EYS: variants seen among roughly 807,000 people sequenced by gnomAD.
The protein encoded by EYS is protein eyes shut homolog.
EYS carries 250 observed loss-of-function variants against 282.1 expected under a neutral mutation model. That is an observed-to-expected ratio of 0.89 (90% CI 0.80 to 0.98). EYS has a LOEUF of 0.98. EYS is among the 50% of genes least tolerant of loss of function. The pLI is 0.00. For synonymous variants in EYS, 1,355 were observed against 1,282.9 expected (o/e 1.06, Z -1.20); for missense variants, 4,016 against 3,709.0 (o/e 1.08, Z -2.15).
intron 26 of EYS, among the ~76,000 whole-genome samples, chr6:64,581,182 G>A (rs912328262): frequency 6.6e-6 from 1 of 152,084 alleles, no homozygotes; most frequent in Non-Finnish European, 1.5e-5. Flanking sequence ...GGAAAGAGAG[G>A]AGGAAGAGAG....
intron 12 of EYS, among the ~76,000 whole-genome samples, chr6:65,254,706 G>A (rs1347581641): frequency 6.6e-6 from 1 of 151,726 alleles, no homozygotes. Flanking sequence ...GTTATGTAGG[G>A]CTGTTAATAA....
intron 26 of EYS, among the ~76,000 whole-genome samples, chr6:64,557,399 A>T (rs965318407): frequency 6.6e-6 from 1 of 152,036 alleles, no homozygotes; most frequent in Non-Finnish European, 1.5e-5. Context: ...GTTAAAATAT[A>T]TGAAAACTAC....
chr6:65,207,968 G>T (rs571880486), intron 12 of EYS, among the ~76,000 whole-genome samples: 2 of 151,738 alleles, frequency 1.3e-5, no homozygotes, highest in Non-Finnish European at 3.0e-5. Flanking sequence ...AAGACTTTAT[G>T]ACTACTACCC....
At chr6:65,199,524 C>A (rs1322454571) in intron 12 of EYS, among the ~76,000 whole-genome samples, 2 of 151,874 alleles carry the variant, frequency 1.3e-5, no homozygotes, top group East Asian at 1.9e-4. Flanking sequence ...TTTAAAGCAG[C>A]GTATAATTTA....
At chr6:65,441,076 T>C (rs1191810388) in intron 5 of EYS, among the ~76,000 whole-genome samples, 1 of 150,662 alleles carries the variant, frequency 6.6e-6, no homozygotes, top group African/African-American at 2.4e-5. Context: ...ATTAAACTCA[T>C]TAATGACTTG....
intron 22 of EYS, among the ~76,000 whole-genome samples, chr6:64,683,276 A>C (rs1450268145): frequency 6.6e-6 from 1 of 152,220 alleles, no homozygotes; most frequent in Non-Finnish European, 1.5e-5. Context: ...TGAGCTCATA[A>C]ATGTTTTAGC....
At chr6:64,856,616 C>CT (rs149450189) in intron 19 of EYS, among the ~76,000 whole-genome samples, 3,452 of 152,078 alleles carry the variant, frequency 0.023, 137 homozygotes, top group African/African-American at 0.08. Flanking sequence ...TTTTAAAGGA[C>CT]TTTTTTTCTT....
In EYS at chr6:64,676,077, G is replaced by T. The variant is rs1431435765; in HGVS notation, c.3444-49832C>A. Among the ~76,000 whole-genome samples, 6 of 147,694 alleles carry T rather than the reference G, an allele frequency of 4.1e-5. No individual in the cohort carries two copies. In the Admixed American group the frequency reaches 4.1e-4, roughly 10 times the overall value. On this transcript the variant is annotated intron_variant, in intron 22 of 42. Transcript: ENST00000503581. Reference sequence around the variant, plus strand: ...ATATGGATAGATCTATATATAGATAGATAGAGAGAGAGAGGGAGAGAGAGA... The same window carrying T: ...ATATGGATAGATCTATATATAGATATATAGAGAGAGAGAGGGAGAGAGAGA...
intron 9 of EYS, among the ~76,000 whole-genome samples, chr6:65,344,528 G>A (rs979907853): frequency 1.3e-5 from 2 of 151,516 alleles, no homozygotes; most frequent in South Asian, 2.1e-4. Context: ...TAAAAGCAGA[G>A]ATTGCAAAAG....
intron 22 of EYS, among the ~76,000 whole-genome samples, chr6:64,699,002 C>G (rs904903827): frequency 3.3e-5 from 5 of 152,118 alleles, no homozygotes; most frequent in Non-Finnish European, 7.4e-5. Flanking sequence ...ATAAATCATT[C>G]TACCATAAAG....
At position 65,018,447 on chromosome 6, in the gene EYS, C is replaced by A. The variant is rs369456179; in HGVS notation, c.2138-20744G>T. On this transcript the variant is annotated intron_variant, in intron 13 of 42. Transcript: ENST00000503581. ...ATATTTGTCTGTGTCTAAGTTTTCC[C>A]TTTTGTTAAGGACACCAGTTATATT... Among the ~76,000 whole-genome samples, 7 of 152,250 alleles carry A rather than the reference C, an allele frequency of 4.6e-5. No homozygotes were observed. In the South Asian group the frequency reaches 1.0e-3, roughly 23 times the overall value.
chr6:63,907,948 ATTCT>A (rs1773815835), intron 35 of EYS, among the ~76,000 whole-genome samples: 1 of 149,604 alleles, frequency 6.7e-6, no homozygotes, highest in Non-Finnish European at 1.5e-5. Flanking sequence ...ACATGATTTC[ATTCT>A]TTTTTATGCC....
intron 19 of EYS, among the ~76,000 whole-genome samples, chr6:64,845,302 A>T (rs896110248): frequency 9.2e-5 from 14 of 152,030 alleles, no homozygotes; most frequent in Admixed American, 7.2e-4. Context: ...AAAAAAAATT[A>T]AAAATAAAAT....
At chr6:65,129,533 A>C (rs940705610) in intron 12 of EYS, among the ~76,000 whole-genome samples, 5 of 152,108 alleles carry the variant, frequency 3.3e-5, no homozygotes, top group Non-Finnish European at 5.9e-5. Flanking sequence ...AAAACAAGAC[A>C]GACTAGTAGC....
chr6:64,561,143 T>G lies in EYS; in HGVS notation c.5644+29080A>C, dbSNP rs78905711. 3.9e-5 allele frequency among the ~76,000 whole-genome samples: 6 copies of G among 152,188 alleles called. No homozygotes were observed. The East Asian group carries it at 1.2e-3, about 29-fold the overall frequency. The stretch of plus-strand genomic sequence containing the variant: ...TCCAACATCCCTAAATGTTAAAAAC[T>G]TTCAATAAATCAGGTATTGAAGGAA... On this transcript the variant is annotated intron_variant, in intron 26 of 42. Coordinates refer to ENST00000503581, the MANE Select transcript of EYS (RefSeq NM_001142800.2).
At chr6:64,157,656 G>A (rs1008291764) in intron 31 of EYS, among the ~76,000 whole-genome samples, 2 of 152,188 alleles carry the variant, frequency 1.3e-5, no homozygotes, top group African/African-American at 4.8e-5. Context: ...CATAGAGCTT[G>A]GGCCATGGCT....
chr6:64,343,359 C>T (rs1173723135), intron 29 of EYS, among the ~76,000 whole-genome samples: 1 of 152,038 alleles, frequency 6.6e-6, no homozygotes, highest in Non-Finnish European at 1.5e-5. Flanking sequence ...CAAACTGTCT[C>T]TCAGACCACA....
Position 64,905,402 on chromosome 6 carries a change from G to A in EYS, c.2642-2902C>T, listed in dbSNP as rs951747481. Among the ~76,000 whole-genome samples, 3 of 152,130 alleles carry A rather than the reference G, an allele frequency of 2.0e-5. No homozygotes were observed. The South Asian group carries it at 6.2e-4, about 31-fold the overall frequency. On this transcript the variant is annotated intron_variant, in intron 16 of 42. Coordinates refer to ENST00000503581, the MANE Select transcript of EYS (RefSeq NM_001142800.2). ...TTCCCCTGTTCTTTATTCCTACTCA[G>A]AACTATTCGGTTGGCCGTACTTTGT...
intron 12 of EYS, among the ~76,000 whole-genome samples, chr6:65,291,623 G>A (rs1020879336): frequency 6.6e-6 from 1 of 151,460 alleles, no homozygotes; most frequent in Admixed American, 6.6e-5. Context: ...TGAATGGGTA[G>A]GAAGTTGACA....
Sources: gnomAD v4.1 joint callset for allele counts (sites outside exome capture counted in the v4.1 genomes callset) on GRCh38, gnomAD v4.1.1 for gene constraint, MANE v1.5 for transcripts, NCBI Gene and HGNC (gene_info 2026-07-23, HGNC 2026-07-21) for gene names.